HYDIN: variants seen among roughly 807,000 people sequenced by gnomAD.
The protein encoded by HYDIN is axonemal central pair apparatus protein HYDIN.
In HYDIN, 132 loss-of-function variants were observed where a neutral mutation model predicts 403.9. That is an observed-to-expected ratio of 0.33 (90% confidence interval 0.28 to 0.38). The LOEUF is 0.38. Among genes scored for constraint, HYDIN ranks in the 10% least tolerant of loss-of-function variants. The pLI is 1.00. For missense variants in HYDIN, 2,827 were observed against 5,009.5 expected (o/e 0.56, Z 13.15); for synonymous variants, 1,202 against 1,891.7 (o/e 0.64, Z 9.46).
At chr16:71,134,408 T>C (rs2084832953) in intron 8 of HYDIN, among the ~76,000 whole-genome samples, 2 of 152,242 alleles carry the variant, frequency 1.3e-5, no homozygotes, top group South Asian at 4.1e-4. Flanking sequence ...GTGCACCCCA[T>C]TATGAGCAAG....
At chr16:70,868,135 G>T (rs1395815617) in intron 66 of HYDIN, among the ~76,000 whole-genome samples, 2 of 151,280 alleles carry the variant, frequency 1.3e-5, no homozygotes, top group Non-Finnish European at 2.9e-5. Flanking sequence ...TTGGGTGTGG[G>T]TTTGTCTCTG....
At chr16:71,154,818 G>C (rs1296497833) in intron 6 of HYDIN, among the ~76,000 whole-genome samples, 1 of 131,520 alleles carries the variant, frequency 7.6e-6, no homozygotes, top group East Asian at 2.3e-4. Context: ...ACCCAGCTCT[G>C]CCACAACCTT....
intron 1 of HYDIN, among the ~76,000 whole-genome samples, chr16:71,219,667 T>C (rs911530021): frequency 2.6e-5 from 4 of 152,206 alleles, no homozygotes; most frequent in African/African-American, 9.6e-5. Context: ...TAAAACACTT[T>C]GAATCCAAAT....
chr16:71,133,047 T>C (rs1050026939), intron 8 of HYDIN: 1 of 342,216 alleles, frequency 2.9e-6, no homozygotes, highest in African/African-American at 2.2e-5. Context: ...AATGGTCTAG[T>C]AGCTACCAAC....
At chr16:71,230,435 A>G (rs964762517) in intron 1 of HYDIN, 127 bp downstream of exon 1, 19 of 1,102,056 alleles carry the variant, frequency 1.7e-5, no homozygotes, top group Non-Finnish European at 2.2e-5. Context: ...TGAGGAGGGG[A>G]GGGGTCTGGA....
intron 1 of HYDIN, among the ~76,000 whole-genome samples, chr16:71,195,142 C>A (rs772839180): frequency 6.6e-6 from 1 of 151,962 alleles, no homozygotes; most frequent in Non-Finnish European, 1.5e-5. Context: ...TCACATCCAT[C>A]TCATGCATTT....
chr16:70,928,039 T>TA (rs2077206566), intron 45 of HYDIN, among the ~76,000 whole-genome samples: 1 of 151,896 alleles, frequency 6.6e-6, no homozygotes, highest in African/African-American at 2.4e-5. Flanking sequence ...AGAAAGCAGT[T>TA]AAAGAGTGTT....
rs780100792 is a variant in HYDIN, at chr16:70,837,724, G to A, written c.13208C>T (p.Thr4403Ile). The change falls in exon 77 of 86, where the codon ACA becomes ATA. Residue 4403 changes from threonine to isoleucine, a missense_variant. Coordinates refer to ENST00000393567, the MANE Select transcript of HYDIN (RefSeq NM_001270974.2). ...PFEINGLSQQTVEIKGKGTKM... is the reference protein window; with the variant it reads ...PFEINGLSQQIVEIKGKGTKM... The stretch of plus-strand genomic sequence containing the variant: ...GGTACCCTTCCCTTTGATTTCGACT[G>A]TTTGTTGTGAGAGCCCATTGATTTC... The A allele has an allele frequency of 2.5e-6, 4 of 1,613,908 alleles. No homozygotes were observed. The highest frequency in any genetic ancestry group is 3.4e-6 in the Non-Finnish European group (4 of 1,179,844).
At chr16:71,074,707 CAAA>C (rs59315287) in intron 13 of HYDIN, among the ~76,000 whole-genome samples, 16 of 86,182 alleles carry the variant, frequency 1.9e-4, no homozygotes, top group African/African-American at 5.8e-4. Flanking sequence ...CAAAAAACAC[CAAA>C]AAAAAAAAAA....
intron 71 of HYDIN, 104 bp from the exon 72 acceptor site, chr16:70,857,974 C>A: frequency 8.7e-7 from 1 of 1,150,978 alleles, no homozygotes; most frequent in Non-Finnish European, 1.2e-6. Flanking sequence ...GTTGATGTTA[C>A]CAGGCTATTG....
In HYDIN at chr16:70,835,027, T is replaced by A. The variant is rs866186630; in HGVS notation, c.13401+649A>T. Among the ~76,000 whole-genome samples, 183 of 112,590 alleles carry A rather than the reference T, an allele frequency of 1.6e-3. 1 individual carries two copies. The highest frequency in any genetic ancestry group is 8.9e-3 in the East Asian group (30 of 3,368). 73.9% of individuals were successfully genotyped at this position (112,590 alleles called of 152,430 possible). On this transcript the variant is annotated intron_variant, in intron 78 of 85. Transcript: ENST00000393567. The stretch of plus-strand genomic sequence containing the variant: ...ATATATACACACACATATATATATG[T>A]TTTTTTTTTTTTTGAGATGGAGTGC...
rs769629786 is a variant in HYDIN at position 70,868,732 on chromosome 16, A to G, written c.11148T>C (p.Asp3716=). 5.0e-6 allele frequency: 8 copies of G among 1,613,916 alleles called. No homozygotes were observed. Among genetic ancestry groups the G allele is most frequent in the Admixed American group, 3.3e-5 (2 of 59,986 alleles). The change falls in exon 66 of 86, where the codon GAT becomes GAC. Residue 3716 remains aspartate (D), a synonymous_variant. Transcript: ENST00000393567. ...AKDIVVTMKS[D]VPINLKNMRI... is the part of the protein sequence containing the mutation. ...GCATATTCTTTAGGTTGATGGGTAC[A>G]TCTGACTTCATGGTCACCACTATGT...
At chr16:70,984,578 T>C (rs1228987075) in intron 28 of HYDIN, among the ~76,000 whole-genome samples, 1 of 150,520 alleles carries the variant, frequency 6.6e-6, no homozygotes, top group Non-Finnish European at 1.5e-5. Context: ...CCCAAATATG[T>C]GAGATGATTT....
intron 41 of HYDIN, among the ~76,000 whole-genome samples, chr16:70,947,693 A>G (rs979109059): frequency 1.1e-4 from 16 of 152,050 alleles, no homozygotes; most frequent in Non-Finnish European, 2.4e-4. Flanking sequence ...CCATGAGTGA[A>G]CTCCCATTCA....
At chr16:71,017,865 C>G (rs112696927) in intron 23 of HYDIN, among the ~76,000 whole-genome samples, 2,063 of 151,656 alleles carry the variant, frequency 0.014, no homozygotes, top group African/African-American at 0.048. Flanking sequence ...TCACTAGACT[C>G]AAAATTAAAG....
In HYDIN at chr16:71,165,371, AC is replaced by A. The variant is rs894874824; in HGVS notation, c.517-2642del. On this transcript the variant is annotated intron_variant, in intron 5 of 85. Coordinates refer to ENST00000393567, the MANE Select transcript of HYDIN (RefSeq NM_001270974.2). ...TCTTCAGCACTTGGCACGGCGATCC[AC>A]TGTCTCCCCGAGGCCTCCCCTGACT... is the stretch of plus-strand genomic sequence containing the variant. Among the ~76,000 whole-genome samples, 8 of 151,136 alleles carry A rather than the reference AC, an allele frequency of 5.3e-5. No homozygotes were observed. In the South Asian group the frequency reaches 8.4e-4, roughly 16 times the overall value.
At chr16:70,955,685 G>A (rs2078212398) in intron 39 of HYDIN, 137 bp from the exon 40 acceptor site, 1 of 557,650 alleles carries the variant, frequency 1.8e-6, no homozygotes, top group Non-Finnish European at 3.2e-6. Context: ...GGCTGGAGGT[G>A]TTAGCAGCAA....
intron 10 of HYDIN, among the ~76,000 whole-genome samples, chr16:71,098,010 T>C (rs1247375245): frequency 6.6e-6 from 1 of 152,062 alleles, no homozygotes; most frequent in Non-Finnish European, 1.5e-5. Flanking sequence ...TGTCCTTTTG[T>C]TCTTTCTAGT....
chr16:70,881,621 A>C (rs958995342), intron 60 of HYDIN, among the ~76,000 whole-genome samples: 4 of 151,578 alleles, frequency 2.6e-5, no homozygotes, highest in African/African-American at 9.8e-5. Context: ...AAAAAAAAAA[A>C]AACTCAGAGA....
Sources: gnomAD v4.1 joint callset for allele counts (sites outside exome capture counted in the v4.1 genomes callset) on GRCh38, gnomAD v4.1.1 for gene constraint, MANE v1.5 for transcripts, NCBI Gene and HGNC (gene_info 2026-07-23, HGNC 2026-07-21) for gene names.